The following LRCH4 variants were observed in gnomAD, a reference collection of about 807,000 sequenced individuals.
LRCH4 encodes the protein leucine-rich repeat and calponin homology domain-containing protein 4.
In LRCH4, 56 loss-of-function variants were observed where a neutral mutation model predicts 81.2. The ratio of observed to expected loss-of-function variants is 0.69; its 90% confidence interval spans 0.56 to 0.86. LRCH4 has a LOEUF of 0.86. LRCH4 is among the 40% of genes least tolerant of loss of function. The pLI is 0.00. For missense variants in LRCH4, 895 were observed against 922.8 expected (o/e 0.97, Z 0.39); for synonymous variants, 442 against 409.7 (o/e 1.08, Z -0.95).
chr7:100,582,611 T>C lies in LRCH4; in HGVS notation c.221-152A>G. 2.5e-6 allele frequency: 2 copies of C among 784,930 alleles called. No homozygotes were observed. The highest frequency in any genetic ancestry group is 4.0e-6 in the Non-Finnish European group (2 of 495,034). 48.6% of individuals were successfully genotyped at this position (784,930 alleles called of 1,614,324 possible). On this transcript the variant is annotated intron_variant, in intron 1 of 17. Transcript: ENST00000310300. This position sits in a 1 kb window ranked among gnomAD's most constrained non-coding sequence, Gnocchi z 5.0. The stretch of plus-strand genomic sequence containing the variant: ...CCTCCCAGGAGAGATAACAAAGCCT[T>C]CTGCCAACGGGAGCACATTCCAGGC...
At position 100,575,575 on chromosome 7, in the gene LRCH4, T is replaced by A. The variant is rs761018007; in HGVS notation, c.1854+130A>T. ...GGGGCATGCAGGGCAGGGGGCATGC[T>A]GGGCAGGGCAGGGGCAGCCTGTGCC... On this transcript the variant is annotated intron_variant, in intron 17 of 17. Transcript: ENST00000310300. This position sits in a 1 kb window ranked among gnomAD's most constrained non-coding sequence, Gnocchi z 5.3. The A allele has an allele frequency of 8.7e-7, 1 of 1,148,946 alleles. No individual in the cohort carries two copies. 71.2% of individuals were successfully genotyped at this position (1,148,946 alleles called of 1,614,324 possible). A position where few individuals can be genotyped will look rare whatever the true frequency, so the allele number is the denominator to read the frequency against.
Position 100,582,559 on chromosome 7 carries a change from C to T in LRCH4, c.221-100G>A. On this transcript the variant is annotated intron_variant, in intron 1 of 17. Coordinates refer to ENST00000310300, the MANE Select transcript of LRCH4 (RefSeq NM_002319.5). The surrounding 1 kb of genome is among the most constrained non-coding windows in gnomAD (Gnocchi z 5.0). ...GGCTGCCCACTCCCTCACCTCCACA[C>T]CTAAAGATTCAAGGCCATCAATGTG... The T allele has an allele frequency of 2.5e-6, 3 of 1,217,374 alleles. No individual in the cohort carries two copies. Among genetic ancestry groups the T allele is most frequent in the Admixed American group, 2.1e-5 (1 of 47,776 alleles). 75.4% of individuals were successfully genotyped at this position (1,217,374 alleles called of 1,614,324 possible).
At position 100,578,189 on chromosome 7, in the gene LRCH4, A is replaced by G. The variant is rs368966790; in HGVS notation, c.918T>C (p.Asp306=). Residue 306 remains aspartate (D), a synonymous_variant, in exon 7 of 18, where the codon GAT becomes GAC. Transcript: ENST00000310300. This position sits in a 1 kb window ranked among gnomAD's most constrained non-coding sequence, Gnocchi z 5.7. ...GGLDSGFHSV[D]SGSKRWSGNE... The stretch of plus-strand genomic sequence containing the variant: ...TTCCAGACCACCTCTTGCTGCCACT[A>G]TCAACGCTGTGGAAGCCTGAGTCCA... 1.3e-5 allele frequency: 21 copies of G among 1,614,096 alleles called. No individual in the cohort carries two copies. The highest frequency in any genetic ancestry group is 1.6e-4 in the Middle Eastern group (1 of 6,062).
Position 100,585,160 on chromosome 7 carries a change from G to A in LRCH4, c.220+721C>T, listed in dbSNP as rs1404132524. On this transcript the variant is annotated intron_variant, in intron 1 of 17. Coordinates refer to ENST00000310300, the MANE Select transcript of LRCH4 (RefSeq NM_002319.5). Reference sequence around the variant, plus strand: ...ACGGCCTCAAGTCCCTCCCCCGGGGGAAAGCAGAAACTGAAATGGGAATTC... The same window carrying A: ...ACGGCCTCAAGTCCCTCCCCCGGGGAAAAGCAGAAACTGAAATGGGAATTC... 9 of 199,376 alleles carry A rather than the reference G, an allele frequency of 4.5e-5. No homozygotes were observed. In the South Asian group the frequency reaches 6.0e-4, roughly 13 times the overall value. The allele number at this position is 199,376 out of a possible 1,614,324, so 12.4% of individuals were successfully genotyped here. A position where few individuals can be genotyped will look rare whatever the true frequency, so the allele number is the denominator to read the frequency against.
chr7:100,576,739 T>A lies in LRCH4; in HGVS notation c.1507A>T (p.Arg503Ter). The A allele has an allele frequency of 6.3e-7, 1 of 1,598,838 alleles. No homozygotes were observed. Among genetic ancestry groups the A allele is most frequent in the South Asian group, 1.1e-5 (1 of 88,478 alleles). The change falls in exon 14 of 18, where the codon AGA becomes TGA. Residue 503 changes from arginine to a stop codon, truncating the protein, a stop_gained. Coordinates refer to ENST00000310300, the MANE Select transcript of LRCH4 (RefSeq NM_002319.5). LOFTEE classifies it high-confidence loss of function. ...PAPRPLGSIQ[R>*]PNSFLFRSSS... ...GAACGGAAGAGGAAGCTGTTTGGTCTCTGAATGGAGCCAAGTGGCCGTGGA... is the reference window on the plus strand; with the variant it reads ...GAACGGAAGAGGAAGCTGTTTGGTCACTGAATGGAGCCAAGTGGCCGTGGA...
Position 100,575,718 on chromosome 7 carries a change from A to C in LRCH4, c.1841T>G (p.Met614Arg). 6.2e-7 allele frequency: 1 copy of C among 1,613,792 alleles called. No homozygotes were observed. The highest frequency in any genetic ancestry group is 1.1e-5 in the South Asian group (1 of 91,032). Residue 614 changes from methionine to arginine, a missense_variant, in exon 17 of 18, where the codon ATG becomes AGG. Transcript: ENST00000310300. This position sits in a 1 kb window ranked among gnomAD's most constrained non-coding sequence, Gnocchi z 5.3. The part of the protein sequence containing the change: ...VESFLEACRK[M>R]GVPEADLCSP... ...CAGCCCCCATACCTCAGGCACCCCC[A>C]TTTTTCGACAGGCTTCTAGAAAACT...
chr7:100,576,803 G>A lies in LRCH4; in HGVS notation c.1469-26C>T, dbSNP rs780574244. 2.0e-5 allele frequency: 32 copies of A among 1,563,220 alleles called. No homozygotes were observed. The Admixed American group carries it at 3.4e-4, about 17-fold the overall frequency. Reference sequence around the variant, plus strand: ...CTGGGGCCGGAACCAGGGACACAGCGACAGGGGCAGGTGAGACAGGCATCC... The same window carrying A: ...CTGGGGCCGGAACCAGGGACACAGCAACAGGGGCAGGTGAGACAGGCATCC... On this transcript the variant is annotated intron_variant, in intron 13 of 17. Coordinates refer to ENST00000310300, the MANE Select transcript of LRCH4 (RefSeq NM_002319.5).
chr7:100,578,442 G>A lies in LRCH4; in HGVS notation c.805C>T (p.Leu269=). The A allele has an allele frequency of 6.2e-7, 1 of 1,614,106 alleles. No homozygotes were observed. The highest frequency in any genetic ancestry group is 1.3e-5 in the African/African-American group (1 of 75,064). ...GGCCGAGAAGGGGCCAGGTCCCCCA[G>A]GGCCGACCCACGCTGCCCGGCCTCT... ...STEAGQRGSA[L]GDLAPSRPPS... The change falls in exon 6 of 18, where the codon CTG becomes TTG. Residue 269 remains leucine, a synonymous_variant. Transcript: ENST00000310300. The surrounding 1 kb of genome is among the most constrained non-coding windows in gnomAD (Gnocchi z 5.7).
chr7:100,584,083 C>G, intron 1 of LRCH4: 3 of 452,098 alleles, frequency 6.6e-6, no homozygotes, highest in South Asian at 3.1e-5. Flanking sequence ...CTAGGCGACA[C>G]GCAGCGAAGA....
In LRCH4 at chr7:100,584,012, T is replaced by G. The variant is rs1043150224; in HGVS notation, c.221-1553A>C. ...TGCAAGATGGCCCCTCCCCGCCACC[T>G]CAGGATTCTTCCTACTATCACCCCA... On this transcript the variant is annotated intron_variant, in intron 1 of 17. Transcript: ENST00000310300. The G allele has an allele frequency of 2.6e-5, 10 of 377,828 alleles. No homozygotes were observed. In the Admixed American group the frequency reaches 3.0e-4, roughly 11 times the overall value. The allele number at this position is 377,828 out of a possible 1,614,324, so 23.4% of individuals were successfully genotyped here.
rs759852946 is a variant in LRCH4, at chr7:100,582,390, C to A, written c.290G>T (p.Ser97Ile). ...ACQLVSLEGL[S>I]LYHNCLRCLN... Reference sequence around the variant, plus strand: ...GCATCTCAGGCAATTGTGGTAGAGGCTCAGGCCCTCCAGGGACACCAGCTG... The same window carrying A: ...GCATCTCAGGCAATTGTGGTAGAGGATCAGGCCCTCCAGGGACACCAGCTG... The change falls in exon 2 of 18, where the codon AGC becomes ATC. Residue 97 changes from serine (S) to isoleucine (I), a missense_variant. Ser to Ile is a moderately radical substitution (Grantham distance 142). Transcript: ENST00000310300. This position sits in a 1 kb window ranked among gnomAD's most constrained non-coding sequence, Gnocchi z 5.0. 4 of 1,613,980 alleles carry A rather than the reference C, an allele frequency of 2.5e-6. No homozygotes were observed. In the East Asian group the frequency reaches 6.7e-5, roughly 27 times the overall value.
rs34440977 is a variant in LRCH4, at chr7:100,582,437, G to C, written c.243C>G (p.Pro81=). 5.0e-6 allele frequency: 8 copies of C among 1,611,086 alleles called. No individual in the cohort carries two copies. The highest frequency in any genetic ancestry group is 6.8e-6 in the Non-Finnish European group (8 of 1,179,924). ...GCTGGCACGCCGCCTCGGGCACCTC[G>C]GGAAACCGGTTCCGGGACAGGTCTG... is the stretch of plus-strand genomic sequence containing the variant. The part of the protein sequence containing the change: ...TQADLSRNRF[P]EVPEAACQLV... The change falls in exon 2 of 18, where the codon CCC becomes CCG. Residue 81 remains proline (P), a synonymous_variant. Transcript: ENST00000310300. This position sits in a 1 kb window ranked among gnomAD's most constrained non-coding sequence, Gnocchi z 5.0.
chr7:100,575,814 G>A lies in LRCH4; in HGVS notation c.1777-32C>T. 1.2e-6 allele frequency: 2 copies of A among 1,608,482 alleles called. No homozygotes were observed. The highest frequency in any genetic ancestry group is 1.1e-5 in the South Asian group (1 of 90,702). On this transcript the variant is annotated intron_variant, in intron 16 of 17. Transcript: ENST00000310300. The surrounding 1 kb of genome is among the most constrained non-coding windows in gnomAD (Gnocchi z 5.3). ...TGGGTGAAAGAAGAAAATGTGGTAA[G>A]GGAGAGGCCACAGGCGCCCCGGCCC...
At position 100,582,943 on chromosome 7, in the gene LRCH4, G is replaced by C. The variant is rs1393637080; in HGVS notation, c.221-484C>G. Among the ~76,000 whole-genome samples, 3 of 152,212 alleles carry C rather than the reference G, an allele frequency of 2.0e-5. No individual in the cohort carries two copies. Among genetic ancestry groups the C allele is most frequent in the African/African-American group, 7.2e-5 (3 of 41,448 alleles). ...CGGGGCCCTTCTTCCCTACTCCAGTGTGTTTTCAACACGGGAAAAACCACA... is the reference window on the plus strand; with the variant it reads ...CGGGGCCCTTCTTCCCTACTCCAGTCTGTTTTCAACACGGGAAAAACCACA... On this transcript the variant is annotated intron_variant, in intron 1 of 17. Coordinates refer to ENST00000310300, the MANE Select transcript of LRCH4 (RefSeq NM_002319.5). This position sits in a 1 kb window ranked among gnomAD's most constrained non-coding sequence, Gnocchi z 5.0.
chr7:100,581,298 G>A (rs936906325), intron 4 of LRCH4, among the ~76,000 whole-genome samples: 6 of 152,214 alleles, frequency 3.9e-5, no homozygotes, highest in African/African-American at 1.2e-4. Context: ...TTTATATACT[G>A]CAAAAGCCTG....
In LRCH4 at chr7:100,586,106, C is replaced by T; in HGVS notation, c.-6G>A. ...GCCGCTACGGCCGCCGCCATCCGCT[C>T]CCGGCGGCTCCCGCTGCCTGACTGA... On this transcript the variant is annotated 5_prime_UTR_variant, in exon 1 of 18. Transcript: ENST00000310300. The T allele has an allele frequency of 1.3e-6, 2 of 1,512,884 alleles. No individual in the cohort carries two copies. Among genetic ancestry groups the T allele is most frequent in the Non-Finnish European group, 1.8e-6 (2 of 1,126,182 alleles). The allele number at this position is 1,512,884 out of a possible 1,614,324, so 93.7% of individuals were successfully genotyped here.
Position 100,582,600 on chromosome 7 carries a change from T to C in LRCH4, c.221-141A>G, listed in dbSNP as rs1801596057. ...CATCAATGTGGCCTCCCAGGAGAGA[T>C]AACAAAGCCTTCTGCCAACGGGAGC... is the stretch of plus-strand genomic sequence containing the variant. On this transcript the variant is annotated intron_variant, in intron 1 of 17. Transcript: ENST00000310300. The surrounding 1 kb of genome is among the most constrained non-coding windows in gnomAD (Gnocchi z 5.0). The C allele has an allele frequency of 8.3e-6, 7 of 841,636 alleles. No homozygotes were observed. The African/African-American group carries it at 1.2e-4, about 14-fold the overall frequency. The allele number at this position is 841,636 out of a possible 1,614,324, so 52.1% of individuals were successfully genotyped here. A position where few individuals can be genotyped will look rare whatever the true frequency, so the allele number is the denominator to read the frequency against.
chr7:100,584,477 A>G (rs1801659321), intron 1 of LRCH4, among the ~76,000 whole-genome samples: 1 of 151,898 alleles, frequency 6.6e-6, no homozygotes, highest in African/African-American at 2.4e-5. Flanking sequence ...AGTTTTCCCC[A>G]AGAGTCCACA....
chr7:100,576,617 CT>C, intron 14 of LRCH4, 76 bp downstream of exon 14: 1 of 1,285,840 alleles, frequency 7.8e-7, no homozygotes, highest in Non-Finnish European at 1.1e-6. Flanking sequence ...ACCCAGAGGG[CT>C]CCCAGGGCAG....
Sources: gnomAD v4.1 joint callset for allele counts (sites outside exome capture counted in the v4.1 genomes callset) on GRCh38, gnomAD v4.1.1 for gene constraint, Gnocchi (gnomAD v3.1) non-coding constraint, MANE v1.5 for transcripts, NCBI Gene and HGNC (gene_info 2026-07-23, HGNC 2026-07-21) for gene names.